AQR: variants seen among roughly 807,000 people sequenced by gnomAD.
AQR encodes RNA helicase aquarius.
A neutral mutation model predicts 180.5 loss-of-function variants in AQR; 61 were observed. That is an observed-to-expected ratio of 0.34 (90% CI 0.28 to 0.42). The LOEUF is 0.42. AQR is among the 10% of genes least tolerant of loss of function. The pLI, the probability that AQR is intolerant of heterozygous loss-of-function variation, is 1.00. For missense variants in AQR, 1,281 were observed against 1,798.3 expected, an observed-to-expected ratio of 0.71 and a Z score of 5.20; for synonymous variants, 551 against 588.8, an observed-to-expected ratio of 0.94 and a Z score of 0.93.
chr15:34,887,066 A>G (rs1893071397), intron 24 of AQR, among the ~76,000 whole-genome samples: 1 of 151,912 alleles, frequency 6.6e-6, no homozygotes, highest in African/African-American at 2.4e-5. Flanking sequence ...CGGAGCTTGC[A>G]GTGAGCAGAG....
intron 22 of AQR, among the ~76,000 whole-genome samples, chr15:34,896,642 G>A (rs1359146500): frequency 6.6e-6 from 1 of 151,650 alleles, no homozygotes; most frequent in African/African-American, 2.4e-5. Flanking sequence ...GAGGTCAAGA[G>A]TTCGAGACCA....
chr15:34,880,545 G>A (rs12901859), intron 27 of AQR, among the ~76,000 whole-genome samples: 59,444 of 151,956 alleles, frequency 0.39, 14,493 homozygotes, highest in Non-Finnish European at 0.54. Flanking sequence ...CAAAAAAGGC[G>A]AAAATCATTA....
chr15:34,943,236 A>C (rs1408279996), intron 6 of AQR: 1 of 1,609,974 alleles, frequency 6.2e-7, no homozygotes. Flanking sequence ...TGGGCAAACT[A>C]AGCCAATTTT....
At chr15:34,869,959 A>C (rs1892791840) in intron 31 of AQR, 1 of 152,098 alleles carries the variant, frequency 6.6e-6, no homozygotes, top group South Asian at 2.1e-4. Flanking sequence ...TTTTTCCTAT[A>C]AATTGAGCTT....
At chr15:34,949,014 C>T (rs12324701) in intron 4 of AQR, among the ~76,000 whole-genome samples, 3,062 of 151,722 alleles carry the variant, frequency 0.02, 115 homozygotes, top group African/African-American at 0.07. Context: ...TTTTTTGAGA[C>T]GGAGTTTTGC....
chr15:34,900,844 C>T lies in AQR; in HGVS notation c.2021G>A (p.Arg674Gln), dbSNP rs756545951. Residue 674 changes from arginine to glutamine, a missense_variant, in exon 20 of 35, where the codon CGG (arginine) becomes CAG (glutamine). Arg to Gln is a conservative substitution (Grantham distance 43). This residue lies in a region of AQR where 28 missense variants were observed against 75.3 expected (regional missense o/e 0.37). Coordinates refer to ENST00000156471, the MANE Select transcript of AQR (RefSeq NM_014691.3). ...CACACAATCAGTATTCATCAGGTTC[C>T]GAATAGTCTCCAGCACAGCCTGTCA... ...NNFKAVLETI[R>Q]NLMNTDCVVP... The T allele has an allele frequency of 1.1e-5, 18 of 1,607,166 alleles. No individual in the cohort carries two copies. Among genetic ancestry groups the T allele is most frequent in the Non-Finnish European group, 1.3e-5 (15 of 1,175,238 alleles).
rs147026108 is a variant in AQR at position 34,882,085 on chromosome 15, C to G, written c.3165+417G>C. ...CCTCCTAAAGTGCTGGGATTACAGG[C>G]ATGAGCCACCACACCTGGCTGAAAA... is the stretch of plus-strand genomic sequence containing the variant. On this transcript the variant is annotated intron_variant, in intron 27 of 34. Transcript: ENST00000156471. 3.4e-3 allele frequency among the ~76,000 whole-genome samples: 513 copies of G among 152,252 alleles called. 1 individual carries two copies. Among genetic ancestry groups the G allele is most frequent in the Non-Finnish European group, 5.2e-3 (352 of 68,004 alleles).
intron 6 of AQR, chr15:34,943,028 T>C (rs1894049471): frequency 6.4e-7 from 1 of 1,552,208 alleles, no homozygotes. Flanking sequence ...TTGTTCTGTT[T>C]AGTTTAATAA....
At chr15:34,893,897 G>T in intron 22 of AQR, 124 bp from the exon 23 acceptor site, 1 of 719,762 alleles carries the variant, frequency 1.4e-6, no homozygotes. Flanking sequence ...CCCAATAACA[G>T]AATGAACAGG....
intron 31 of AQR, chr15:34,868,003 G>T: frequency 5.7e-6 from 1 of 175,704 alleles, no homozygotes; most frequent in Non-Finnish European, 1.2e-5. Context: ...CGTATCACTA[G>T]TAAATGTCTA....
chr15:34,968,897 G>A (rs2050327676), intron 1 of AQR, among the ~76,000 whole-genome samples: 1 of 152,166 alleles, frequency 6.6e-6, no homozygotes, highest in Admixed American at 6.5e-5. Context: ...CTTCTACATT[G>A]AACTACTTAC....
intron 22 of AQR, among the ~76,000 whole-genome samples, chr15:34,894,382 C>A (rs927755116): frequency 6.6e-6 from 1 of 152,038 alleles, no homozygotes; most frequent in Non-Finnish European, 1.5e-5. Flanking sequence ...GAACTATCAA[C>A]CCACAATTCT....
At chr15:34,944,026 A>G (rs1894070178) in intron 6 of AQR, among the ~76,000 whole-genome samples, 1 of 152,214 alleles carries the variant, frequency 6.6e-6, no homozygotes, top group South Asian at 2.1e-4. Context: ...AGTTCTTATA[A>G]TCATTTTTCT....
intron 12 of AQR, among the ~76,000 whole-genome samples, chr15:34,928,994 T>A (rs960701388): frequency 6.6e-6 from 1 of 152,234 alleles, no homozygotes; most frequent in Non-Finnish European, 1.5e-5. Flanking sequence ...AATGTCTTCC[T>A]TTGAGAAGTG....
intron 29 of AQR, chr15:34,874,329 GAAGT>G (rs1252829900): frequency 9.3e-6 from 3 of 323,540 alleles, no homozygotes; most frequent in Non-Finnish European, 1.7e-5. Context: ...CATCCTTTAT[GAAGT>G]AAGAATTGGT....
intron 20 of AQR, among the ~76,000 whole-genome samples, chr15:34,899,268 G>A (rs1893295031): frequency 6.6e-6 from 1 of 152,154 alleles, no homozygotes; most frequent in South Asian, 2.1e-4. Flanking sequence ...AAATAATGCT[G>A]AGATTTCAAG....
At position 34,961,441 on chromosome 15, in the gene AQR, C is replaced by T. The variant is rs1004256473; in HGVS notation, c.133-627G>A. ...CCTGGCCAACATGGTGAAACCCTGT[C>T]TCTACTAAAAATACAAATATTAGCT... On this transcript the variant is annotated intron_variant, in intron 2 of 34. Transcript: ENST00000156471. Among the ~76,000 whole-genome samples, 3 of 151,818 alleles carry T rather than the reference C, an allele frequency of 2.0e-5. No individual in the cohort carries two copies. In the East Asian group the frequency reaches 5.8e-4, roughly 29 times the overall value.
At chr15:34,930,442 A>T in intron 11 of AQR, 71 bp from the exon 12 acceptor site, 6 of 845,012 alleles carry the variant, frequency 7.1e-6, no homozygotes, top group Non-Finnish European at 1.2e-5. Flanking sequence ...TGTTTAAAAT[A>T]ATAAACAGGT....
Position 34,930,818 on chromosome 15 carries a change from C to CTTTTTT in AQR, c.901-453_901-448dup, listed in dbSNP as rs77229498. Among the ~76,000 whole-genome samples, 165 of 84,644 alleles carry CTTTTTT rather than the reference C, an allele frequency of 1.9e-3. 2 individuals are homozygous for CTTTTTT. The highest frequency in any genetic ancestry group is 2.9e-3 in the African/African-American group (58 of 20,138). 55.5% of individuals were successfully genotyped at this position (84,644 alleles called of 152,430 possible). On this transcript the variant is annotated intron_variant, in intron 11 of 34. Coordinates refer to ENST00000156471, the MANE Select transcript of AQR (RefSeq NM_014691.3). ...GGAGATACTTTTTTATACGCCACTT[C>CTTTTTT]TTTTTTTTTTTTTTTTTTTTTTTTT...
Sources: allele counts gnomAD v4.1 joint callset (sites outside exome capture counted in the v4.1 genomes callset), GRCh38; gene constraint gnomAD v4.1.1; regional missense constraint gnomAD v4.1.1; transcripts MANE v1.5; gene names NCBI Gene and HGNC (gene_info 2026-07-23, HGNC 2026-07-21).